AFM: variants seen among roughly 807,000 people sequenced by gnomAD.
AFM encodes afamin, also known as alpha-Alb.
In AFM, 82 loss-of-function variants were observed where a neutral mutation model predicts 68.7. That is an observed-to-expected ratio of 1.19 (90% CI 1.00 to 1.43). AFM has a LOEUF of 1.43. Ranked by LOEUF, AFM falls within the 40% of genes most tolerant of loss-of-function variation. AFM has a pLI of 0.00. For synonymous variants in AFM, 250 were observed against 234.2 expected, an observed-to-expected ratio of 1.07 and a Z score of -0.61; for missense variants, 772 against 701.8, an observed-to-expected ratio of 1.10 and a Z score of -1.13.
chr4:73,499,290 T>TA lies in AFM; in HGVS notation c.1422+52dup, dbSNP rs759483476. On this transcript the variant is annotated intron_variant, in intron 11 of 14. Coordinates refer to ENST00000226355, the MANE Select transcript of AFM (RefSeq NM_001133.2). Reference sequence around the variant, plus strand: ...CCAGACTACTCTTTTTTTTTTTTTTTAAAAAAAAGAATATTTGCACTCATT... The same window carrying TA: ...CCAGACTACTCTTTTTTTTTTTTTTTAAAAAAAAAGAATATTTGCACTCATT... 9.8e-4 allele frequency: 1,022 copies of TA among 1,038,216 alleles called. 3 individuals are homozygous for TA. Among genetic ancestry groups the TA allele is most frequent in the Non-Finnish European group, 1.1e-3 (868 of 759,212 alleles). The allele number at this position is 1,038,216 out of a possible 1,614,324, so 64.3% of individuals were successfully genotyped here.
rs1721026530 is a variant in AFM at position 73,490,013 on chromosome 4, A to C, written c.843+1254A>C. On this transcript the variant is annotated intron_variant, in intron 7 of 14. Transcript: ENST00000226355. ...GAAAAAAAATTGCTCATGCATTCAA[A>C]GGTAATATAATTTTATTAAAAAAAT... 4.6e-5 allele frequency among the ~76,000 whole-genome samples: 7 copies of C among 152,250 alleles called. No individual in the cohort carries two copies. The South Asian group carries it at 1.4e-3, about 32-fold the overall frequency.
chr4:73,484,461 T>A (rs1288862026), intron 3 of AFM, 71 bp downstream of exon 3: 1 of 491,156 alleles, frequency 2.0e-6, no homozygotes, highest in South Asian at 4.8e-5. Flanking sequence ...TTTCTTTCTT[T>A]CTTTCTTTCT....
chr4:73,490,681 AT>A (rs1054149738), intron 7 of AFM, among the ~76,000 whole-genome samples: 2 of 152,154 alleles, frequency 1.3e-5, no homozygotes, highest in African/African-American at 4.8e-5. Context: ...TTAGGATATA[AT>A]TATAGATTTT....
In AFM at chr4:73,483,981, TG is replaced by T; in HGVS notation, c.130del (p.Glu44AsnfsTer24). On this transcript the variant is annotated frameshift_variant, in exon 2 of 15. Coordinates refer to ENST00000226355, the MANE Select transcript of AFM (RefSeq NM_001133.2). LOFTEE classifies it high-confidence loss of function. ...STQKFIEDNI[E>X]YITIIAFAQY... ...CTCAAAAATTTATAGAAGATAATAT[TG>T]AATACATGTGAGTTGTGCTAAATAC... The T allele has an allele frequency of 6.5e-7, 1 of 1,527,144 alleles. No homozygotes were observed. Among genetic ancestry groups the T allele is most frequent in the Non-Finnish European group, 9.0e-7 (1 of 1,114,700 alleles). 94.6% of individuals were successfully genotyped at this position (1,527,144 alleles called of 1,614,324 possible).
In AFM at chr4:73,484,778, C is replaced by A. The variant is rs540808025; in HGVS notation, c.270+388C>A. On this transcript the variant is annotated intron_variant, in intron 3 of 14. Transcript: ENST00000226355. ...TCTCAAACTCCTGACCCCAAGTGAT[C>A]CTCCCAACTTGGCCTCCCAAAGTGT... Among the ~76,000 whole-genome samples, 12 of 152,200 alleles carry A rather than the reference C, an allele frequency of 7.9e-5. No homozygotes were observed. The South Asian group carries it at 2.5e-3, about 32-fold the overall frequency.
chr4:73,501,129 A>G (rs1405130321), intron 12 of AFM, among the ~76,000 whole-genome samples: 1 of 152,288 alleles, frequency 6.6e-6, no homozygotes, highest in South Asian at 2.1e-4. Context: ...TTGGAATTCT[A>G]TAAGTTACTA....
At chr4:73,502,839 G>A (rs1308697181) in intron 13 of AFM, among the ~76,000 whole-genome samples, 1 of 152,108 alleles carries the variant, frequency 6.6e-6, no homozygotes, top group Non-Finnish European at 1.5e-5. Context: ...GTACATTAGG[G>A]CCATGTGAAG....
chr4:73,487,676 A>G (rs756929055), intron 5 of AFM, 48 bp from the exon 6 acceptor site: 1 of 1,246,064 alleles, frequency 8.0e-7, no homozygotes, highest in South Asian at 1.3e-5. Context: ...ATAAGAGAAT[A>G]GTGAGATTTT....
At chr4:73,499,900 T>A (rs2149347044) in intron 11 of AFM, 104 bp from the exon 12 acceptor site, 1 of 946,628 alleles carries the variant, frequency 1.1e-6, no homozygotes, top group East Asian at 2.5e-5. Flanking sequence ...ATGAGTGAGG[T>A]TAACAGTGAT....
intron 8 of AFM, among the ~76,000 whole-genome samples, chr4:73,493,875 TAA>T (rs1721171770): frequency 6.6e-6 from 1 of 152,200 alleles, no homozygotes; most frequent in African/African-American, 2.4e-5. Flanking sequence ...TATTACAACA[TAA>T]AAAGTGTTTG....
chr4:73,482,070 A>G (rs1577970297), intron 1 of AFM, among the ~76,000 whole-genome samples: 1 of 152,362 alleles, frequency 6.6e-6, no homozygotes. Flanking sequence ...ATATGAAGAA[A>G]GAGTTGTCAC....
rs1720719006 is a variant in AFM, at chr4:73,481,745, A to G, written c.-31A>G. On this transcript the variant is annotated 5_prime_UTR_variant, in exon 1 of 15. Transcript: ENST00000226355. ...AAACTTGATTTTCCTCAACAACATT[A>G]CTTTCTTTTGTAAATGTGGTTTCTA... 7.5e-7 allele frequency: 1 copy of G among 1,335,048 alleles called. No individual in the cohort carries two copies. The highest frequency in any genetic ancestry group is 2.3e-5 in the East Asian group (1 of 43,334). The allele number at this position is 1,335,048 out of a possible 1,614,324, so 82.7% of individuals were successfully genotyped here. A position where few individuals can be genotyped will look rare whatever the true frequency, so the allele number is the denominator to read the frequency against.
At chr4:73,483,129 G>A (rs1334541307) in intron 1 of AFM, among the ~76,000 whole-genome samples, 2 of 152,142 alleles carry the variant, frequency 1.3e-5, no homozygotes, top group Admixed American at 6.5e-5. Context: ...CACACAGACA[G>A]ACAGGGTTTT....
rs541901694 is a variant in AFM, at chr4:73,495,429, C to T, written c.1188C>T (p.Tyr396=). ...NTENPPGCYR[Y]AEDKFNETTE... Reference sequence around the variant, plus strand: ...AAAACCCTCCAGGTTGTTACCGTTACGCGGTAGGTTCCATTGTTGTAGGTT... The same window carrying T: ...AAAACCCTCCAGGTTGTTACCGTTATGCGGTAGGTTCCATTGTTGTAGGTT... The change falls in exon 9 of 15, where the codon TAC becomes TAT. Residue 396 remains tyrosine, a synonymous_variant. Coordinates refer to ENST00000226355, the MANE Select transcript of AFM (RefSeq NM_001133.2). 4.1e-5 allele frequency: 66 copies of T among 1,608,596 alleles called. 2 individuals carry two copies. The South Asian group carries it at 4.6e-4, about 11-fold the overall frequency.
intron 4 of AFM, 32 bp from the exon 5 acceptor site, chr4:73,486,935 C>G: frequency 6.3e-7 from 1 of 1,599,624 alleles, no homozygotes; most frequent in Non-Finnish European, 8.5e-7. Context: ...TTCCCTCACC[C>G]GTCTTCTCTC....
chr4:73,498,939 G>A (rs981013766), intron 10 of AFM, among the ~76,000 whole-genome samples, 175 bp from the exon 11 acceptor site: 3 of 152,276 alleles, frequency 2.0e-5, no homozygotes, highest in Admixed American at 2.0e-4. Context: ...ATAGGAAGCA[G>A]GGTGCAGGAA....
At chr4:73,483,887 GA>G in intron 1 of AFM, 53 bp from the exon 2 acceptor site, 1 of 1,407,048 alleles carries the variant, frequency 7.1e-7, no homozygotes, top group African/African-American at 1.5e-5. Context: ...TTATTTATTT[GA>G]AAAATGTTAG....
At chr4:73,484,503 T>C in intron 3 of AFM, 113 bp downstream of exon 3, 2 of 650,994 alleles carry the variant, frequency 3.1e-6, no homozygotes, top group African/African-American at 2.6e-5. Flanking sequence ...TCTTTCTTTC[T>C]TTCATTCTTT....
At chr4:73,492,115 G>A (rs1721088725) in intron 8 of AFM, 29 bp downstream of exon 8, 2 of 1,567,128 alleles carry the variant, frequency 1.3e-6, no homozygotes, top group Non-Finnish European at 1.7e-6. Context: ...GAATTTATAA[G>A]GGAAACAGAA....
Sources: allele counts gnomAD v4.1 joint callset (sites outside exome capture counted in the v4.1 genomes callset), GRCh38; gene constraint gnomAD v4.1.1; transcripts MANE v1.5; gene names NCBI Gene and HGNC (gene_info 2026-07-23, HGNC 2026-07-21).